The following PPP1R13B variants were observed in gnomAD, a reference collection of about 807,000 sequenced individuals.
The protein encoded by PPP1R13B is apoptosis-stimulating of p53 protein 1.
PPP1R13B carries 44 observed loss-of-function variants against 119.8 expected under a neutral mutation model. That is an observed-to-expected ratio of 0.37 (90% CI 0.29 to 0.47). PPP1R13B has a LOEUF of 0.47. PPP1R13B is among the 20% of genes least tolerant of loss of function. PPP1R13B has a pLI of 0.99. For synonymous variants in PPP1R13B, 542 were observed against 561.5 expected (o/e 0.97, Z 0.49); for missense variants, 1,227 against 1,413.5 (o/e 0.87, Z 2.12).
rs1169747293 is a variant in PPP1R13B, at chr14:103,818,763, G to T, written c.10-21245C>A. 2.0e-5 allele frequency among the ~76,000 whole-genome samples: 3 copies of T among 152,160 alleles called. No homozygotes were observed. The East Asian group carries it at 5.8e-4, about 29-fold the overall frequency. On this transcript the variant is annotated intron_variant, in intron 1 of 16. Transcript: ENST00000202556. ...AATATTTATTGAGCACCTACTACCT[G>T]CCAGGCACTGGAGATTTGGCACTGA...
At chr14:103,756,500 G>A (rs1451140974) in intron 5 of PPP1R13B, among the ~76,000 whole-genome samples, 1 of 152,068 alleles carries the variant, frequency 6.6e-6, no homozygotes, top group Admixed American at 6.6e-5. Context: ...AGAAAGATTC[G>A]AGTTTCAATA....
At chr14:103,798,786 T>C (rs552885820) in intron 1 of PPP1R13B, among the ~76,000 whole-genome samples, 12 of 152,012 alleles carry the variant, frequency 7.9e-5, no homozygotes, top group Non-Finnish European at 1.5e-4. Flanking sequence ...CACTGCAACT[T>C]CTGCCTCCTA....
chr14:103,831,127 T>C (rs1234290923), intron 1 of PPP1R13B, among the ~76,000 whole-genome samples: 2 of 151,848 alleles, frequency 1.3e-5, no homozygotes, highest in Non-Finnish European at 2.9e-5. Flanking sequence ...GTATTTTTGG[T>C]AGAGATGGGG....
intron 4 of PPP1R13B, among the ~76,000 whole-genome samples, chr14:103,777,226 C>G (rs1264337075): frequency 1.3e-5 from 2 of 152,140 alleles, no homozygotes; most frequent in Non-Finnish European, 2.9e-5. Context: ...CTCCTGACCT[C>G]AGGTGATCCA....
rs747553735 is a variant in PPP1R13B, at chr14:103,739,832, T to C, written c.2584A>G (p.Thr862Ala). Residue 862 changes from threonine (T) to alanine (A), a missense_variant, in exon 12 of 17, where the codon ACC becomes GCC. Physicochemically the swap from Thr to Ala is moderately conservative, Grantham distance 58. Transcript: ENST00000202556. Reference protein sequence around the residue: ...PLPPASHPPATSTNKRTNLKK... With the variant: ...PLPPASHPPAASTNKRTNLKK... ...CTAGCAATGACACCCACCGTGGAGGTGGCAGGAGGGTGGCTGGCAGGGGGA... is the reference window on the plus strand; with the variant it reads ...CTAGCAATGACACCCACCGTGGAGGCGGCAGGAGGGTGGCTGGCAGGGGGA... 9.3e-6 allele frequency: 15 copies of C among 1,605,672 alleles called. No individual in the cohort carries two copies. Among genetic ancestry groups the C allele is most frequent in the Non-Finnish European group, 1.2e-5 (14 of 1,174,762 alleles).
intron 11 of PPP1R13B, among the ~76,000 whole-genome samples, chr14:103,741,577 A>G (rs1280517128): frequency 6.6e-6 from 1 of 152,236 alleles, no homozygotes; most frequent in Non-Finnish European, 1.5e-5. Context: ...ACAGGAAGTC[A>G]GAGAACTGTG....
intron 9 of PPP1R13B, among the ~76,000 whole-genome samples, chr14:103,745,152 C>T (rs1226820789): frequency 6.6e-6 from 1 of 152,182 alleles, no homozygotes. Flanking sequence ...TGCTGAGACA[C>T]GGCCGTAAGG....
In PPP1R13B at chr14:103,746,470, C is replaced by A; in HGVS notation, c.1053G>T (p.Gln351His). The A allele has an allele frequency of 6.2e-7, 1 of 1,614,094 alleles. No homozygotes were observed. Among genetic ancestry groups the A allele is most frequent in the Non-Finnish European group, 8.5e-7 (1 of 1,179,948 alleles). ...CAGGAAAGCTTCCGGCACTGGGAAC[C>A]TGGATATAAGGCCCCACAGCAGCGA... Reference protein sequence around the residue: ...GRVAAVGPYIQVPSAGSFPVL... With the variant: ...GRVAAVGPYIHVPSAGSFPVL... The change falls in exon 9 of 17, where the codon CAG becomes CAT. Residue 351 changes from glutamine (Q) to histidine (H), a missense_variant. Physicochemically the swap from Gln to His is conservative, Grantham distance 24. Transcript: ENST00000202556.
chr14:103,789,234 G>T (rs184452759), intron 2 of PPP1R13B, among the ~76,000 whole-genome samples: 25 of 151,880 alleles, frequency 1.6e-4, no homozygotes, highest in Admixed American at 2.0e-4. Context: ...TTTTTTTTTG[G>T]GGGGGATGGA....
intron 8 of PPP1R13B, among the ~76,000 whole-genome samples, chr14:103,749,261 C>T (rs1368679642): frequency 2.0e-5 from 3 of 151,962 alleles, no homozygotes; most frequent in African/African-American, 7.3e-5. Flanking sequence ...GTATTTACTA[C>T]CTTTAAAATT....
chr14:103,812,519 G>A (rs4906377), intron 1 of PPP1R13B, among the ~76,000 whole-genome samples: 44,121 of 151,776 alleles, frequency 0.29, 6,909 homozygotes, highest in Non-Finnish European at 0.34. Context: ...TCCTGGGTTC[G>A]AGCGATTCTC....
intron 2 of PPP1R13B, among the ~76,000 whole-genome samples, chr14:103,788,160 T>TG (rs2085517036): frequency 6.6e-6 from 1 of 152,038 alleles, no homozygotes; most frequent in Non-Finnish European, 1.5e-5. Flanking sequence ...TAGAATGATC[T>TG]GGGGGATAGA....
At chr14:103,845,202 A>G (rs879780326) in intron 1 of PPP1R13B, among the ~76,000 whole-genome samples, 3 of 149,852 alleles carry the variant, frequency 2.0e-5, no homozygotes, top group Non-Finnish European at 4.4e-5. Flanking sequence ...TACCAAATAT[A>G]CAATAAATCG....
At chr14:103,761,998 A>G (rs1017469863) in intron 4 of PPP1R13B, among the ~76,000 whole-genome samples, 3 of 152,210 alleles carry the variant, frequency 2.0e-5, no homozygotes, top group Non-Finnish European at 4.4e-5. Flanking sequence ...GCAGGGGAGC[A>G]TCTTCGACGC....
At chr14:103,765,080 A>G (rs868202467) in intron 4 of PPP1R13B, among the ~76,000 whole-genome samples, 39 of 152,320 alleles carry the variant, frequency 2.6e-4, no homozygotes, top group Middle Eastern at 3.4e-3. Flanking sequence ...GGCCTCCCAG[A>G]GTGCTGGGAT....
chr14:103,780,074 G>A (rs1484783261), intron 3 of PPP1R13B, among the ~76,000 whole-genome samples: 3 of 151,934 alleles, frequency 2.0e-5, no homozygotes, highest in East Asian at 2.0e-4. Flanking sequence ...GCTTGAACCC[G>A]GGAGGCGGAG....
chr14:103,805,998 A>G (rs893944391), intron 1 of PPP1R13B, among the ~76,000 whole-genome samples: 1 of 152,236 alleles, frequency 6.6e-6, no homozygotes, highest in Non-Finnish European at 1.5e-5. Context: ...ATGTTCACTT[A>G]AAATAGGTAA....
chr14:103,786,441 C>T (rs2085463432), intron 2 of PPP1R13B, among the ~76,000 whole-genome samples: 2 of 152,084 alleles, frequency 1.3e-5, no homozygotes. Flanking sequence ...TCTCTGTGAA[C>T]TGTCTCAGGT....
rs35277937 is a variant in PPP1R13B, at chr14:103,752,534, C to CTTTT, written c.828+462_828+465dup. On this transcript the variant is annotated intron_variant, in intron 7 of 16. Coordinates refer to ENST00000202556, the MANE Select transcript of PPP1R13B (RefSeq NM_015316.3). ...AATTGTACGCTGTGTGAATTAGATC[C>CTTTT]TTTTTTTTTTTTTTTTTTGAGACAG... is the stretch of plus-strand genomic sequence containing the variant. 3.2e-3 allele frequency among the ~76,000 whole-genome samples: 404 copies of CTTTT among 126,276 alleles called. 13 individuals carry two copies. The highest frequency in any genetic ancestry group is 0.011 in the African/African-American group (352 of 32,866). 82.8% of individuals were successfully genotyped at this position (126,276 alleles called of 152,430 possible). A position where few individuals can be genotyped will look rare whatever the true frequency, so the allele number is the denominator to read the frequency against.
Sources: gnomAD v4.1 joint callset for allele counts (sites outside exome capture counted in the v4.1 genomes callset) on GRCh38, gnomAD v4.1.1 for gene constraint, MANE v1.5 for transcripts, NCBI Gene and HGNC (gene_info 2026-07-23, HGNC 2026-07-21) for gene names.